Variants in DNAJC6 observed in about 807,000 individuals in gnomAD.
The protein encoded by DNAJC6 is DnaJ heat shock protein family (Hsp40) member C6.
DNAJC6 carries 34 observed loss-of-function variants against 110.0 expected under a neutral mutation model. The ratio of observed to expected loss-of-function variants is 0.31; its 90% CI spans 0.24 to 0.41. DNAJC6 has a LOEUF of 0.41. DNAJC6 is among the 10% of genes least tolerant of loss of function. The pLI is 1.00. For synonymous variants in DNAJC6, 406 were observed against 437.2 expected (o/e 0.93, Z 0.89); for missense variants, 1,031 against 1,207.8 (o/e 0.85, Z 2.17).
At chr1:65,308,243 A>C (rs1645062668), upstream of DNAJC6, among the ~76,000 whole-genome samples, 1 of 152,208 alleles carries the variant, frequency 6.6e-6, no homozygotes, top group Non-Finnish European at 1.5e-5. Flanking sequence ...GAAGAAAGCA[A>C]AGCTGGCTTT....
rs1213374943 is a variant in DNAJC6 at position 65,401,815 on chromosome 1, A to G, written c.2162A>G (p.His721Arg). ...SAATSPTGSS[H>R]GTPTHQSKPQ... is the part of the protein sequence containing the mutation. ...GCCACCAGCCCAACCGGATCCTCGC[A>G]TGGTACTCCCACCCATCAAAGCAAA... Residue 721 changes from histidine to arginine, a missense_variant, in exon 15 of 19, where the codon CAT becomes CGT. By Grantham distance (29) the His-to-Arg change is conservative. Transcript: ENST00000371069. 3 of 1,613,980 alleles carry G rather than the reference A, an allele frequency of 1.9e-6. No homozygotes were observed. Among genetic ancestry groups the G allele is most frequent in the South Asian group, 2.2e-5 (2 of 91,062 alleles).
At chr1:65,353,480 C>G (rs1645511328) in intron 1 of DNAJC6, among the ~76,000 whole-genome samples, 1 of 152,100 alleles carries the variant, frequency 6.6e-6, no homozygotes, top group Non-Finnish European at 1.5e-5. Flanking sequence ...TGGATTGGCA[C>G]CTGTAGCCTG....
chr1:65,279,695 A>G (rs1476743804), intron 1 of DNAJC6: 1 of 152,122 alleles, frequency 6.6e-6, no homozygotes, highest in African/African-American at 2.4e-5. Flanking sequence ...TCTGCCTGAA[A>G]TACATTTTCT....
At chr1:65,367,892 T>G (rs949026221) in intron 4 of DNAJC6, among the ~76,000 whole-genome samples, 3 of 112,654 alleles carry the variant, frequency 2.7e-5, no homozygotes, top group Non-Finnish European at 3.8e-5. Context: ...TTTTTTTTTT[T>G]GGATACCTAG....
chr1:65,359,365 A>G (rs574547669), intron 1 of DNAJC6, among the ~76,000 whole-genome samples: 3 of 152,312 alleles, frequency 2.0e-5, no homozygotes, highest in Admixed American at 2.0e-4. Flanking sequence ...AATCCCAAGG[A>G]AAACTTATTT....
At chr1:65,321,426 C>CTCTTGGT (rs5774749) in intron 1 of DNAJC6, among the ~76,000 whole-genome samples, 111,308 of 151,698 alleles carry the variant, frequency 0.73, 40,842 homozygotes, top group East Asian at 0.83. Context: ...GGTCTTGAGA[C>CTCTTGGT]CTCAAGGAAT....
upstream of DNAJC6, chr1:65,309,525 C>A: frequency 1.7e-6 from 2 of 1,191,390 alleles, no homozygotes; most frequent in East Asian, 5.0e-5. Context: ...TTCCCTCCCT[C>A]CCTCCTCCCG....
chr1:65,394,411 C>G (rs371736657), intron 12 of DNAJC6, among the ~76,000 whole-genome samples: 114 of 152,274 alleles, frequency 7.5e-4, no homozygotes, highest in African/African-American at 2.6e-3. Flanking sequence ...ACTTAACTGT[C>G]TGTGTAACAT....
chr1:65,267,566 T>G (rs186209921), intron 1 of DNAJC6, among the ~76,000 whole-genome samples: 1 of 152,278 alleles, frequency 6.6e-6, no homozygotes, highest in Admixed American at 6.5e-5. Flanking sequence ...ATCGGTTTTT[T>G]TTTTTCCTGT....
intron 1 of DNAJC6, among the ~76,000 whole-genome samples, chr1:65,320,248 A>AGCCC (rs1333805242): frequency 6.6e-6 from 1 of 152,252 alleles, no homozygotes; most frequent in Non-Finnish European, 1.5e-5. Flanking sequence ...ACTAATCCAC[A>AGCCC]GCCCGAGAGT....
chr1:65,324,452 C>T (rs546719590), intron 1 of DNAJC6, among the ~76,000 whole-genome samples: 22 of 152,138 alleles, frequency 1.4e-4, no homozygotes, highest in Non-Finnish European at 2.5e-4. Flanking sequence ...CTCCACCTCC[C>T]GGGTTCAAGC....
At chr1:65,394,139 G>A (rs1173782520) in intron 12 of DNAJC6, among the ~76,000 whole-genome samples, 1 of 152,170 alleles carries the variant, frequency 6.6e-6, no homozygotes, top group Admixed American at 6.5e-5. Context: ...TGTGCACCTG[G>A]TGTGACTCTC....
chr1:65,399,009 T>C, intron 14 of DNAJC6, 128 bp downstream of exon 14: 2 of 921,420 alleles, frequency 2.2e-6, no homozygotes, highest in Non-Finnish European at 3.4e-6. Flanking sequence ...TTCCTAAAGA[T>C]TCATATTCTA....
At chr1:65,317,823 G>A (rs1438291928) in intron 1 of DNAJC6, among the ~76,000 whole-genome samples, 4 of 152,212 alleles carry the variant, frequency 2.6e-5, no homozygotes, top group African/African-American at 9.7e-5. Context: ...AAGTGCAATA[G>A]GGGTGCAGAA....
Position 65,334,374 on chromosome 1 carries a change from C to A in DNAJC6, c.193+24436C>A, listed in dbSNP as rs144370213. Among the ~76,000 whole-genome samples, 223 of 152,320 alleles carry A rather than the reference C, an allele frequency of 1.5e-3. 2 individuals carry two copies. In the East Asian group the frequency reaches 0.028, roughly 19 times the overall value. ...CAGCAAAAATACTCTTGAGACAGTG[C>A]AGGCTACTGAGGAAAATACATGCGG... is the stretch of plus-strand genomic sequence containing the variant. On this transcript the variant is annotated intron_variant, in intron 1 of 18. Coordinates refer to ENST00000371069, the MANE Select transcript of DNAJC6 (RefSeq NM_001256864.2).
At chr1:65,365,151 A>G (rs1645634223) in intron 2 of DNAJC6, among the ~76,000 whole-genome samples, 2 of 152,246 alleles carry the variant, frequency 1.3e-5, no homozygotes, top group South Asian at 4.1e-4. Context: ...TGGGTTGTTT[A>G]GGGATTAAAT....
chr1:65,319,438 G>C (rs1645176730), intron 1 of DNAJC6, among the ~76,000 whole-genome samples: 1 of 152,196 alleles, frequency 6.6e-6, no homozygotes. Context: ...CTGTGGCTCT[G>C]GGCTGAGTCC....
chr1:65,353,502 C>T (rs1233625482), intron 1 of DNAJC6, among the ~76,000 whole-genome samples: 1 of 152,140 alleles, frequency 6.6e-6, no homozygotes, highest in East Asian at 1.9e-4. Flanking sequence ...TTTCTTTGAT[C>T]CTTGAAGGAA....
chr1:65,372,146 G>GGT (rs59816601), intron 4 of DNAJC6, among the ~76,000 whole-genome samples: 5,262 of 140,970 alleles, frequency 0.037, 114 homozygotes, highest in South Asian at 0.086. Context: ...TGACATTTGG[G>GGT]GTGTGTGTGT....
Sources: gnomAD v4.1 joint callset for allele counts (sites outside exome capture counted in the v4.1 genomes callset) on GRCh38, gnomAD v4.1.1 for gene constraint, MANE v1.5 for transcripts, NCBI Gene and HGNC (gene_info 2026-07-23, HGNC 2026-07-21) for gene names.